Variants in HIGD1C observed in about 807,000 individuals in gnomAD.
HIGD1C encodes the protein HIG1 hypoxia inducible domain family member 1C.
A neutral mutation model predicts 13.1 loss-of-function variants in HIGD1C; 11 were observed. The ratio of observed to expected loss-of-function variants is 0.84; its 90% confidence interval spans 0.53 to 1.39. The LOEUF is 1.39. HIGD1C is among the 40% of genes most tolerant of loss of function. HIGD1C has a pLI of 0.00. For missense variants in HIGD1C, 110 were observed against 112.0 expected, an observed-to-expected ratio of 0.98 and a Z score of 0.08; for synonymous variants, 36 against 37.7, an observed-to-expected ratio of 0.95 and a Z score of 0.17.
the HIGD1C span, among the ~76,000 whole-genome samples, chr12:50,937,947 T>A: frequency 2.0e-5 from 3 of 152,128 alleles, no homozygotes; most frequent in Non-Finnish European, 4.4e-5. Flanking sequence ...AAAAGCATTA[T>A]CTGATTGGCC....
chr12:50,936,514 T>G, the HIGD1C span, among the ~76,000 whole-genome samples: 2 of 152,256 alleles, frequency 1.3e-5, no homozygotes, highest in African/African-American at 4.8e-5. Flanking sequence ...GCATATTTCT[T>G]GTCCAAGGCC....
At chr12:50,963,344 T>C (rs2139814276) in intron 2 of HIGD1C, among the ~76,000 whole-genome samples, 1 of 117,720 alleles carries the variant, frequency 8.5e-6, no homozygotes, top group Admixed American at 1.2e-4. Flanking sequence ...CACTCCAGCC[T>C]GGGTGAAAGG....
downstream of HIGD1C, among the ~76,000 whole-genome samples, chr12:50,970,992 A>T (rs1026961444): frequency 6.6e-5 from 10 of 151,710 alleles, no homozygotes; most frequent in African/African-American, 2.4e-4. Context: ...GATTCTCCTG[A>T]CTCAGCCTCC....
chr12:50,967,973 G>A (rs539976391), intron 2 of HIGD1C, among the ~76,000 whole-genome samples: 1 of 152,256 alleles, frequency 6.6e-6, no homozygotes, highest in East Asian at 1.9e-4. Flanking sequence ...TGTGGTCCCA[G>A]CTACTCGGGA....
chr12:50,951,150 T>C (rs1385512006), upstream of HIGD1C, among the ~76,000 whole-genome samples: 1 of 152,012 alleles, frequency 6.6e-6, no homozygotes. Context: ...AAACTACTTA[T>C]TAATTAAAAG....
the HIGD1C span, among the ~76,000 whole-genome samples, chr12:50,942,165 AG>A: frequency 6.8e-4 from 104 of 152,324 alleles, 1 homozygote; most frequent in African/African-American, 2.3e-3. Flanking sequence ...TACAGGCGTG[AG>A]CCACCGCACC....
intron 2 of HIGD1C, among the ~76,000 whole-genome samples, chr12:50,969,699 T>C (rs1189159176): frequency 1.4e-5 from 2 of 141,836 alleles, no homozygotes; most frequent in African/African-American, 2.6e-5. Flanking sequence ...CAAGACTCCA[T>C]CTCAAAAAAA....
chr12:50,959,967 C>A (rs1939263362), intron 1 of HIGD1C, among the ~76,000 whole-genome samples: 1 of 152,064 alleles, frequency 6.6e-6, no homozygotes, highest in Non-Finnish European at 1.5e-5. Context: ...TGTTATCTGG[C>A]TATTTTTGTT....
intron 2 of HIGD1C, among the ~76,000 whole-genome samples, chr12:50,963,792 A>G (rs887089745): frequency 6.6e-6 from 1 of 152,220 alleles, no homozygotes; most frequent in Non-Finnish European, 1.5e-5. Flanking sequence ...CCCTGGTAAT[A>G]AAAGGAAAGG....
intron 2 of HIGD1C, among the ~76,000 whole-genome samples, chr12:50,968,928 C>T (rs973756356): frequency 6.6e-6 from 1 of 152,168 alleles, no homozygotes; most frequent in South Asian, 2.1e-4. Context: ...ATCCTCCTCC[C>T]TTGGCCTTCC....
chr12:50,940,020 A>G, the HIGD1C span: 2 of 151,980 alleles, frequency 1.3e-5, no homozygotes, highest in Non-Finnish European at 2.9e-5. Context: ...CTGCACTCAA[A>G]CCAACCCATC....
chr12:50,953,853 C>A, upstream of HIGD1C: 1 of 552,876 alleles, frequency 1.8e-6, no homozygotes, highest in Non-Finnish European at 3.2e-6. Flanking sequence ...GAAGGAAAGA[C>A]AATTGTTTCA....
chr12:50,953,654 A>G (rs1017618072), upstream of HIGD1C, among the ~76,000 whole-genome samples: 1 of 152,270 alleles, frequency 6.6e-6, no homozygotes, highest in African/African-American at 2.4e-5. Context: ...CTTCAAATAC[A>G]GTGCTTGTGG....
At chr12:50,953,894 AAAC>A, upstream of HIGD1C, 1 of 647,834 alleles carries the variant, frequency 1.5e-6, no homozygotes, top group South Asian at 2.2e-5. Context: ...AAACAAATGA[AAAC>A]AAAAAAACAC....
At chr12:50,953,830 T>G (rs1292237700), upstream of HIGD1C, 18 of 535,462 alleles carry the variant, frequency 3.4e-5, no homozygotes, top group Non-Finnish European at 6.0e-5. Flanking sequence ...AAAAATTCGG[T>G]AGTGAAAAGT....
chr12:50,938,175 C>T, the HIGD1C span, among the ~76,000 whole-genome samples: 1 of 152,096 alleles, frequency 6.6e-6, no homozygotes, highest in African/African-American at 2.4e-5. Flanking sequence ...AGGCCCCTTC[C>T]AAGCTTCCCT....
At chr12:50,963,864 A>G (rs2139816157) in intron 2 of HIGD1C, among the ~76,000 whole-genome samples, 1 of 152,344 alleles carries the variant, frequency 6.6e-6, no homozygotes, top group East Asian at 1.9e-4. Flanking sequence ...ACCACTGTCC[A>G]GCCCTTGTCA....
chr12:50,948,866 G>GGGGA, the HIGD1C span, among the ~76,000 whole-genome samples: 1 of 15,488 alleles, frequency 6.5e-5, no homozygotes, highest in African/African-American at 3.4e-4. Context: ...GCGAGGAGGA[G>GGGGA]GGGGGAGGGG....
At chr12:50,969,226 G>A (rs949127604) in intron 2 of HIGD1C, among the ~76,000 whole-genome samples, 2 of 151,892 alleles carry the variant, frequency 1.3e-5, no homozygotes, top group East Asian at 1.9e-4. Flanking sequence ...TCTGGGAGGC[G>A]GAGGCTGCAG....
Sources: allele counts gnomAD v4.1 joint callset (sites outside exome capture counted in the v4.1 genomes callset), GRCh38; gene constraint gnomAD v4.1.1; transcripts MANE v1.5; gene names NCBI Gene and HGNC (gene_info 2026-07-23, HGNC 2026-07-21).